Variants in DNAJC25 observed in about 807,000 individuals in gnomAD.
DNAJC25 encodes the protein DnaJ heat shock protein family (Hsp40) member C25, also known as dnaJ homolog subfamily C member 25.
A neutral mutation model predicts 42.1 loss-of-function variants in DNAJC25; 26 were observed. That is an observed-to-expected ratio of 0.62 (90% CI 0.45 to 0.86). DNAJC25 has a LOEUF of 0.86. Ranked by LOEUF, DNAJC25 falls within the 40% of genes least tolerant of loss-of-function variation. The pLI is 0.00. For synonymous variants in DNAJC25, 189 were observed against 179.9 expected (o/e 1.05, Z -0.40); for missense variants, 404 against 459.4 (o/e 0.88, Z 1.10).
intron 1 of DNAJC25, among the ~76,000 whole-genome samples, chr9:111,641,592 C>G (rs1589344049): frequency 2.2e-5 from 3 of 136,914 alleles, no homozygotes; most frequent in Admixed American, 7.0e-5. Context: ...GGTCGGCCCC[C>G]CGCCCGGCCA....
intron 1 of DNAJC25, among the ~76,000 whole-genome samples, chr9:111,641,919 C>T (rs1180881535): frequency 4.5e-4 from 62 of 136,436 alleles, no homozygotes; most frequent in African/African-American, 7.4e-4. Flanking sequence ...CCAGCCGCCC[C>T]GTCCGGGAGG....
chr9:111,644,081 A>G (rs1451799273), intron 1 of DNAJC25, among the ~76,000 whole-genome samples: 1 of 152,222 alleles, frequency 6.6e-6, no homozygotes, highest in South Asian at 2.1e-4. Context: ...TAGAATGGAG[A>G]TAAAATAAGT....
chr9:111,643,911 T>A (rs1379952077), intron 1 of DNAJC25, among the ~76,000 whole-genome samples: 1 of 152,198 alleles, frequency 6.6e-6, no homozygotes, highest in Non-Finnish European at 1.5e-5. Context: ...ACTTTGTAGG[T>A]TACTAAAGAG....
At position 111,649,473 on chromosome 9, in the gene DNAJC25, C is replaced by T; in HGVS notation, c.510C>T (p.Ser170=). The change falls in exon 3 of 4, where the codon AGC becomes AGT. Residue 170 remains serine, a synonymous_variant. Transcript: ENST00000313525. ...SVFQFFSWWN[S]YNKAISYLAT... ...TCTAGTTTTTCAGCTGGTGGAATAG[C>T]TACAATAAGGCAATCAGCTACCTAG... is the stretch of plus-strand genomic sequence containing the variant. 1 of 1,586,242 alleles carries T rather than the reference C, an allele frequency of 6.3e-7. No individual in the cohort carries two copies. The highest frequency in any genetic ancestry group is 1.2e-5 in the South Asian group (1 of 85,820).
chr9:111,642,733 A>G (rs1830500921), intron 1 of DNAJC25: 1 of 357,626 alleles, frequency 2.8e-6, no homozygotes, highest in Non-Finnish European at 6.0e-6. Flanking sequence ...AAGGGCAGGA[A>G]CATAATATAT....
rs1317216843 is a variant in DNAJC25 at position 111,631,672 on chromosome 9, G to A, written c.265G>A (p.Gly89Ser). 6.6e-7 allele frequency: 1 copy of A among 1,522,160 alleles called. No homozygotes were observed. The highest frequency in any genetic ancestry group is 8.8e-7 in the Non-Finnish European group (1 of 1,141,328). 94.3% of individuals were successfully genotyped at this position (1,522,160 alleles called of 1,614,324 possible). Residue 89 changes from glycine (G) to serine (S), a missense_variant, in exon 1 of 4, where the codon GGC (glycine) becomes AGC (serine). Transcript: ENST00000313525. ...CTACCGGCCCCAGCCCGGAGACGAGGGCCCCGGGCGGACGCCGCAGAGCGC... is the reference window on the plus strand; with the variant it reads ...CTACCGGCCCCAGCCCGGAGACGAGAGCCCCGGGCGGACGCCGCAGAGCGC... ...DRYRPQPGDE[G>S]PGRTPQSAEE...
chr9:111,632,917 C>T (rs977449901), intron 1 of DNAJC25, among the ~76,000 whole-genome samples: 2 of 152,030 alleles, frequency 1.3e-5, no homozygotes, highest in Non-Finnish European at 2.9e-5. Flanking sequence ...ACTAGGTAAA[C>T]TAGGTGAATT....
At chr9:111,636,741 G>T (rs1198800211) in intron 1 of DNAJC25, among the ~76,000 whole-genome samples, 1 of 152,100 alleles carries the variant, frequency 6.6e-6, no homozygotes, top group Non-Finnish European at 1.5e-5. Flanking sequence ...TGATTACCTG[G>T]AACAAAACTC....
chr9:111,639,940 G>A (rs200137154), intron 1 of DNAJC25, among the ~76,000 whole-genome samples: 1 of 126,652 alleles, frequency 7.9e-6, no homozygotes, highest in Non-Finnish European at 1.7e-5. Flanking sequence ...CTCCGTCTCC[G>A]TCTCCGTCTC....
At chr9:111,635,950 C>T (rs1423457791) in intron 1 of DNAJC25, among the ~76,000 whole-genome samples, 2 of 152,200 alleles carry the variant, frequency 1.3e-5, no homozygotes, top group Non-Finnish European at 2.9e-5. Context: ...CTTATATTCT[C>T]TTACTCAACC....
chr9:111,647,780 T>C (rs561232994), intron 2 of DNAJC25, among the ~76,000 whole-genome samples: 135 of 152,296 alleles, frequency 8.9e-4, no homozygotes, highest in Middle Eastern at 3.4e-3. Context: ...AGGAACTTTC[T>C]GTTTTTGTTT....
chr9:111,639,933 CGTCT>C (rs1564083835), intron 1 of DNAJC25, among the ~76,000 whole-genome samples: 1 of 134,726 alleles, frequency 7.4e-6, no homozygotes, highest in African/African-American at 3.2e-5. Flanking sequence ...TCTCCCTCTC[CGTCT>C]CCGTCTCCGT....
At chr9:111,640,978 CCG>C in intron 1 of DNAJC25, among the ~76,000 whole-genome samples, 1 of 102,140 alleles carries the variant, frequency 9.8e-6, no homozygotes, top group Non-Finnish European at 1.8e-5. Context: ...GCCTGGCCAG[CCG>C]TGCCGTCCGG....
At chr9:111,643,071 G>A in intron 1 of DNAJC25, 1 of 338,614 alleles carries the variant, frequency 3.0e-6, no homozygotes, top group South Asian at 2.5e-5. Flanking sequence ...ATTGCTGAAA[G>A]AAAAAGTACT....
intron 1 of DNAJC25, among the ~76,000 whole-genome samples, chr9:111,633,953 C>CT (rs1392000140): frequency 6.6e-6 from 1 of 152,162 alleles, no homozygotes; most frequent in African/African-American, 2.4e-5. Flanking sequence ...ACTCTTGACT[C>CT]TGACGGGTTT....
intron 3 of DNAJC25, 84 bp downstream of exon 3, chr9:111,650,007 G>C (rs1463746811): frequency 8.1e-7 from 1 of 1,237,568 alleles, no homozygotes; most frequent in Non-Finnish European, 1.1e-6. Context: ...GATCACAGAA[G>C]TGTGCTCACA....
chr9:111,639,944 C>G (rs1438084788), intron 1 of DNAJC25, among the ~76,000 whole-genome samples: 1 of 148,588 alleles, frequency 6.7e-6, no homozygotes, highest in Non-Finnish European at 1.5e-5. Flanking sequence ...GTCTCCGTCT[C>G]CGTCTCCGTC....
intron 1 of DNAJC25, among the ~76,000 whole-genome samples, chr9:111,634,452 T>G (rs1830334562): frequency 6.6e-6 from 1 of 152,206 alleles, no homozygotes; most frequent in Non-Finnish European, 1.5e-5. Context: ...AATGGAGATG[T>G]AATGGCTGTT....
At chr9:111,639,939 C>CGT (rs1564083846) in intron 1 of DNAJC25, among the ~76,000 whole-genome samples, 1 of 141,642 alleles carries the variant, frequency 7.1e-6, no homozygotes, top group African/African-American at 2.8e-5. Flanking sequence ...TCTCCGTCTC[C>CGT]GTCTCCGTCT....
Sources: gnomAD v4.1 joint callset for allele counts (sites outside exome capture counted in the v4.1 genomes callset) on GRCh38, gnomAD v4.1.1 for gene constraint, MANE v1.5 for transcripts, NCBI Gene and HGNC (gene_info 2026-07-23, HGNC 2026-07-21) for gene names.